The following CSMD3 variants were observed in gnomAD, a reference collection of about 807,000 sequenced individuals.
CSMD3 encodes CUB and Sushi multiple domains 3, also known as CUB and sushi domain-containing protein 3.
CSMD3 carries 177 observed loss-of-function variants against 435.2 expected under a neutral mutation model. That is an observed-to-expected ratio of 0.41 (90% CI 0.36 to 0.46). The LOEUF (loss-of-function observed/expected upper bound fraction) is 0.46, where lower values mean the gene tolerates loss of function less well. Among genes scored for constraint, CSMD3 ranks in the 20% least tolerant of loss-of-function variants. CSMD3 has a pLI of 0.34. For missense variants in CSMD3, 4,265 were observed against 4,504.6 expected (o/e 0.95, Z 1.52); for synonymous variants, 1,656 against 1,520.5 (o/e 1.09, Z -2.07).
At chr8:113,248,458 GTGTGTGTGT>G (rs2093299185) in intron 3 of CSMD3, among the ~76,000 whole-genome samples, 1 of 300 alleles carries the variant, frequency 3.3e-3, no homozygotes, top group South Asian at 0.1. Context: ...GGAAATATAT[GTGTGTGTGT>G]GATATATATG....
rs148182140 is a variant in CSMD3 at position 112,478,959 on chromosome 8, T to A, written c.5279-6252A>T. ...TGCACAGAGGAGAGAACTGCCCGAC[T>A]GTGAGATTGGGGTACCACCTCCTGC... On this transcript the variant is annotated intron_variant, in intron 31 of 70. Coordinates refer to ENST00000297405, the MANE Select transcript of CSMD3 (RefSeq NM_198123.2). 2.1e-3 allele frequency among the ~76,000 whole-genome samples: 320 copies of A among 152,280 alleles called. 3 individuals carry two copies. The highest frequency in any genetic ancestry group is 3.4e-3 in the Middle Eastern group (1 of 294).
intron 63 of CSMD3, among the ~76,000 whole-genome samples, chr8:112,248,020 G>A (rs1245125848): frequency 1.3e-5 from 2 of 152,126 alleles, no homozygotes; most frequent in African/African-American, 4.8e-5. Flanking sequence ...TTTGGGATAA[G>A]TGGGAAGCAG....
At chr8:112,592,138 C>A (rs1831246466) in intron 22 of CSMD3, among the ~76,000 whole-genome samples, 1 of 151,860 alleles carries the variant, frequency 6.6e-6, no homozygotes, top group South Asian at 2.1e-4. Flanking sequence ...GTATTAATAA[C>A]ACTTTGTTCT....
chr8:113,095,742 T>C (rs1481251837), intron 5 of CSMD3, among the ~76,000 whole-genome samples: 1 of 152,186 alleles, frequency 6.6e-6, no homozygotes. Flanking sequence ...GCATTTGCAT[T>C]ATATTAGGTA....
At chr8:112,404,346 G>A (rs1032778953) in intron 35 of CSMD3, among the ~76,000 whole-genome samples, 1 of 152,000 alleles carries the variant, frequency 6.6e-6, no homozygotes, top group Non-Finnish European at 1.5e-5. Context: ...TGACCAACAT[G>A]GTGAAACCCC....
chr8:112,269,778 T>A (rs1475681346), intron 59 of CSMD3, among the ~76,000 whole-genome samples: 1 of 152,236 alleles, frequency 6.6e-6, no homozygotes, highest in Non-Finnish European at 1.5e-5. Context: ...ACATTTTAAA[T>A]CAAGGAATTG....
At chr8:112,708,956 CTTCT>C (rs779946349) in intron 13 of CSMD3, among the ~76,000 whole-genome samples, 7 of 151,992 alleles carry the variant, frequency 4.6e-5, no homozygotes, top group Non-Finnish European at 8.8e-5. Flanking sequence ...TGAATCCTTC[CTTCT>C]TTATTAACTA....
At chr8:112,733,656 A>G (rs1402805415) in intron 13 of CSMD3, among the ~76,000 whole-genome samples, 1 of 152,036 alleles carries the variant, frequency 6.6e-6, no homozygotes, top group Non-Finnish European at 1.5e-5. Flanking sequence ...AACTTTTATT[A>G]AACATTGTAT....
intron 3 of CSMD3, among the ~76,000 whole-genome samples, chr8:113,273,848 A>C (rs899982879): frequency 6.6e-5 from 10 of 152,272 alleles, no homozygotes; most frequent in African/African-American, 2.4e-4. Context: ...TATAGCTAAT[A>C]CAGAGAAATA....
At chr8:113,229,295 A>T (rs2093059971) in intron 3 of CSMD3, among the ~76,000 whole-genome samples, 3 of 151,646 alleles carry the variant, frequency 2.0e-5, no homozygotes, top group Non-Finnish European at 4.4e-5. Flanking sequence ...TTTTGTTCAA[A>T]GATATGTTGA....
At chr8:113,205,278 C>T (rs902985830) in intron 3 of CSMD3, among the ~76,000 whole-genome samples, 3 of 152,038 alleles carry the variant, frequency 2.0e-5, no homozygotes, top group South Asian at 4.1e-4. Flanking sequence ...CCACCGTGGC[C>T]GGCAGGGAAC....
intron 11 of CSMD3, among the ~76,000 whole-genome samples, chr8:112,846,953 T>C (rs921181304): frequency 2.6e-5 from 4 of 152,102 alleles, no homozygotes; most frequent in African/African-American, 9.7e-5. Context: ...GGGTGTTCTA[T>C]AAATAGTGAC....
At chr8:112,296,634 T>G (rs931353392) in intron 53 of CSMD3, among the ~76,000 whole-genome samples, 8 of 151,826 alleles carry the variant, frequency 5.3e-5, no homozygotes, top group African/African-American at 1.9e-4. Flanking sequence ...TTAAAGAAAT[T>G]AATAAGTTTC....
chr8:112,773,876 A>G (rs1280108441), intron 13 of CSMD3, among the ~76,000 whole-genome samples: 4 of 152,018 alleles, frequency 2.6e-5, no homozygotes, highest in Admixed American at 1.3e-4. Flanking sequence ...AAAAATAGTA[A>G]CATAGGGGAA....
intron 1 of CSMD3, among the ~76,000 whole-genome samples, chr8:113,378,760 G>T (rs1208425244): frequency 3.2e-5 from 2 of 62,814 alleles, no homozygotes; most frequent in African/African-American, 8.7e-5. Context: ...TTGTCACACT[G>T]AAGTGTGTGT....
At chr8:113,301,112 A>G (rs2093762978) in intron 2 of CSMD3, among the ~76,000 whole-genome samples, 1 of 151,586 alleles carries the variant, frequency 6.6e-6, no homozygotes, top group South Asian at 2.1e-4. Context: ...TTTCGAAAAA[A>G]GTTAAAAATG....
At chr8:113,394,159 TACACACACACAC>T (rs3080772) in intron 1 of CSMD3, among the ~76,000 whole-genome samples, 2 of 137,242 alleles carry the variant, frequency 1.5e-5, no homozygotes, top group Admixed American at 1.7e-4. Flanking sequence ...TTTGTTGAAT[TACACACACACAC>T]ACACACACAC....
intron 3 of CSMD3, among the ~76,000 whole-genome samples, chr8:113,183,510 T>A (rs1366872845): frequency 6.6e-6 from 1 of 151,936 alleles, no homozygotes; most frequent in Non-Finnish European, 1.5e-5. Context: ...AAATGCAACA[T>A]TCCTTACCTG....
chr8:112,715,221 T>C (rs151033683), intron 13 of CSMD3, among the ~76,000 whole-genome samples: 2 of 151,856 alleles, frequency 1.3e-5, no homozygotes, highest in Non-Finnish European at 2.9e-5. Context: ...ATAGACACAA[T>C]AAAAAATGTC....
Sources: allele counts gnomAD v4.1 joint callset (sites outside exome capture counted in the v4.1 genomes callset), GRCh38; gene constraint gnomAD v4.1.1; transcripts MANE v1.5; gene names NCBI Gene and HGNC (gene_info 2026-07-23, HGNC 2026-07-21).